The following ACYP2 variants were observed in gnomAD, a reference collection of about 807,000 sequenced individuals.
ACYP2 encodes acylphosphatase-2.
Under a neutral mutation model 11.2 loss-of-function variants are expected in ACYP2, and 12 were observed. That is an observed-to-expected ratio of 1.08 (90% CI 0.69 to 1.74). The LOEUF is 1.74. ACYP2 is among the 40% of genes most tolerant of loss of function. The pLI is 0.00. For missense variants in ACYP2, 134 were observed against 101.9 expected, an observed-to-expected ratio of 1.31 and a Z score of -1.35; for synonymous variants, 43 against 32.2, an observed-to-expected ratio of 1.33 and a Z score of -1.13.
At chr2:54,167,988 C>G (rs1306892531) in intron 6 of ACYP2, among the ~76,000 whole-genome samples, 3 of 152,216 alleles carry the variant, frequency 2.0e-5, no homozygotes, top group Non-Finnish European at 4.4e-5. Context: ...CCCAGAGCCT[C>G]ATTCCATCCC....
At chr2:54,281,983 CACTT>C (rs1294679547) in intron 6 of ACYP2, among the ~76,000 whole-genome samples, 1 of 152,132 alleles carries the variant, frequency 6.6e-6, no homozygotes, top group Non-Finnish European at 1.5e-5. Flanking sequence ...TTCATGTATA[CACTT>C]ACTTATTTAT....
chr2:54,105,154 G>A (rs1041322106), intron 4 of ACYP2, among the ~76,000 whole-genome samples: 2 of 152,092 alleles, frequency 1.3e-5, no homozygotes, highest in African/African-American at 4.8e-5. Flanking sequence ...CTCTTCCCCG[G>A]CTTCCCACTG....
chr2:54,301,833 A>G (rs1689738083), intron 6 of ACYP2, among the ~76,000 whole-genome samples: 1 of 152,182 alleles, frequency 6.6e-6, no homozygotes, highest in Non-Finnish European at 1.5e-5. Flanking sequence ...ACAGCACTTG[A>G]GAGTCAGGTC....
chr2:53,982,800 T>G (rs1303162770), intron 2 of ACYP2, among the ~76,000 whole-genome samples: 1 of 150,338 alleles, frequency 6.7e-6, no homozygotes, highest in Non-Finnish European at 1.5e-5. Context: ...TTTTCACAAC[T>G]TCCATACAAC....
chr2:54,169,564 T>C (rs1683143144), intron 6 of ACYP2, among the ~76,000 whole-genome samples: 1 of 152,052 alleles, frequency 6.6e-6, no homozygotes, highest in Non-Finnish European at 1.5e-5. Context: ...CATGATCCAC[T>C]TCACCTGGCC....
chr2:54,114,080 G>T (rs1679604397), intron 4 of ACYP2, among the ~76,000 whole-genome samples: 1 of 151,862 alleles, frequency 6.6e-6, no homozygotes, highest in Non-Finnish European at 1.5e-5. Context: ...GATGATTTTT[G>T]GTGTTCTCTA....
chr2:54,204,983 C>T (rs1205529258), intron 6 of ACYP2, among the ~76,000 whole-genome samples: 1 of 152,128 alleles, frequency 6.6e-6, no homozygotes, highest in East Asian at 1.9e-4. Context: ...CTCATAGGCA[C>T]CTTCTCCTTG....
intron 6 of ACYP2, among the ~76,000 whole-genome samples, chr2:54,271,184 C>T (rs1195679448): frequency 6.6e-6 from 1 of 152,174 alleles, no homozygotes; most frequent in Non-Finnish European, 1.5e-5. Flanking sequence ...GACTGATCCC[C>T]TCCTTGTCCG....
chr2:54,034,161 C>A lies in ACYP2; in HGVS notation c.63-16797C>A, dbSNP rs553578085. ...TCACTTGAGGTCAGGAGTTTGAGACCAGCCTGGCCAACATGGTGAAACCCT... is the reference window on the plus strand; with the variant it reads ...TCACTTGAGGTCAGGAGTTTGAGACAAGCCTGGCCAACATGGTGAAACCCT... On this transcript the variant is annotated intron_variant, in intron 2 of 6. Coordinates refer to ENST00000607452, the MANE Select transcript of ACYP2 (RefSeq NM_001320586.2). 3.3e-5 allele frequency among the ~76,000 whole-genome samples: 5 copies of A among 152,248 alleles called. No individual in the cohort carries two copies. In the South Asian group the frequency reaches 1.0e-3, roughly 32 times the overall value.
At chr2:54,085,279 CT>C (rs1677889555) in intron 4 of ACYP2, among the ~76,000 whole-genome samples, 2 of 152,100 alleles carry the variant, frequency 1.3e-5, no homozygotes, top group African/African-American at 4.8e-5. Context: ...CGTGGTGGCA[CT>C]GTGAGTGAGT....
chr2:54,192,748 A>T lies in ACYP2; in HGVS notation c.404+54000A>T, dbSNP rs116568377. 1.2e-3 allele frequency among the ~76,000 whole-genome samples: 180 copies of T among 152,292 alleles called. 3 individuals carry two copies. Among genetic ancestry groups the T allele is most frequent in the African/African-American group, 4.2e-3 (173 of 41,554 alleles). On this transcript the variant is annotated intron_variant, in intron 6 of 6. Transcript: ENST00000607452. Reference sequence around the variant, plus strand: ...TAAAGAGAAGAGGTTTTATTGACTCACGGTTCTGCATGGCTAGGGAGGCCT... The same window carrying T: ...TAAAGAGAAGAGGTTTTATTGACTCTCGGTTCTGCATGGCTAGGGAGGCCT...
intron 2 of ACYP2, among the ~76,000 whole-genome samples, chr2:54,025,848 C>T (rs1263592841): frequency 6.6e-5 from 10 of 152,136 alleles, no homozygotes; most frequent in Non-Finnish European, 1.3e-4. Flanking sequence ...GTAATCCCAG[C>T]GCTTTGGGAG....
At position 53,980,362 on chromosome 2, in the gene ACYP2, A is replaced by AT. The variant is rs1420242365; in HGVS notation, c.62+6564dup. On this transcript the variant is annotated intron_variant, in intron 2 of 6. Coordinates refer to ENST00000607452, the MANE Select transcript of ACYP2 (RefSeq NM_001320586.2). ...AGTGAGACCCTGTCTCAAAAAAAAA[A>AT]TTTTTTTTTTTTATAAAAAGAAAAA... Among the ~76,000 whole-genome samples the AT allele has an allele frequency of 9.1e-3, 1,348 of 148,308 alleles. 20 individuals are homozygous for AT. Among genetic ancestry groups the AT allele is most frequent in the African/African-American group, 0.031 (1,274 of 40,480 alleles).
chr2:53,985,226 C>T (rs1417937101), intron 2 of ACYP2, among the ~76,000 whole-genome samples: 3 of 152,018 alleles, frequency 2.0e-5, no homozygotes, highest in Admixed American at 6.5e-5. Context: ...CCTGCCGCCA[C>T]GCCCAGTTAA....
chr2:54,096,103 C>G (rs1426769173), intron 4 of ACYP2, among the ~76,000 whole-genome samples: 2 of 143,098 alleles, frequency 1.4e-5, no homozygotes, highest in Non-Finnish European at 3.1e-5. Flanking sequence ...GGAGACGCTC[C>G]TCACTTCCCA....
chr2:54,079,833 A>C (rs1395557131), intron 4 of ACYP2: 1 of 152,222 alleles, frequency 6.6e-6, no homozygotes, highest in African/African-American at 2.4e-5. Flanking sequence ...ATCATACCAA[A>C]CTACAAATTT....
intron 2 of ACYP2, among the ~76,000 whole-genome samples, chr2:54,000,872 G>A (rs930437508): frequency 6.6e-6 from 1 of 152,168 alleles, no homozygotes; most frequent in Non-Finnish European, 1.5e-5. Context: ...TGAGCTTTAA[G>A]TTATTTCCCC....
intron 2 of ACYP2, among the ~76,000 whole-genome samples, chr2:53,998,047 C>A (rs1672653984): frequency 6.6e-6 from 1 of 152,080 alleles, no homozygotes; most frequent in South Asian, 2.1e-4. Context: ...TGCATTTTTT[C>A]TAGGAATAGG....
In ACYP2 at chr2:54,197,737, G is replaced by C. The variant is rs898606689; in HGVS notation, c.404+58989G>C. On this transcript the variant is annotated intron_variant, in intron 6 of 6. Transcript: ENST00000607452. ...TCTTTGAGGAATAAGTAGAAGGCTA[G>C]TGGGGTGGAAGGCTGAGAGGAAGGG... Among the ~76,000 whole-genome samples, 5 of 152,150 alleles carry C rather than the reference G, an allele frequency of 3.3e-5. No individual in the cohort carries two copies. In the East Asian group the frequency reaches 7.7e-4, roughly 23 times the overall value.
Sources: allele counts gnomAD v4.1 joint callset (sites outside exome capture counted in the v4.1 genomes callset), GRCh38; gene constraint gnomAD v4.1.1; transcripts MANE v1.5; gene names NCBI Gene and HGNC (gene_info 2026-07-23, HGNC 2026-07-21).